The following EPHA4 variants were observed in gnomAD, a reference collection of about 807,000 sequenced individuals.
EPHA4 encodes EPH receptor A4, also known as ephrin type-A receptor 4.
A neutral mutation model predicts 108.3 loss-of-function variants in EPHA4; 19 were observed. The ratio of observed to expected loss-of-function variants is 0.18; its 90% confidence interval spans 0.12 to 0.26. The LOEUF is 0.26. Among genes scored for constraint, EPHA4 ranks in the 10% least tolerant of loss-of-function variants. The probability of loss-of-function intolerance (pLI) is 1.00; values close to 1 mark genes in which losing one functional copy is unlikely to be tolerated. For missense variants in EPHA4, 917 were observed against 1,254.0 expected (o/e 0.73, Z 4.06); for synonymous variants, 449 against 455.5 (o/e 0.99, Z 0.18).
At chr2:221,495,387 G>T (rs1692268409) in intron 4 of EPHA4, among the ~76,000 whole-genome samples, 1 of 152,174 alleles carries the variant, frequency 6.6e-6, no homozygotes, top group African/African-American at 2.4e-5. Flanking sequence ...CCTAAAGACG[G>T]TTTTACAGAT....
chr2:221,481,265 T>C (rs1336194473), intron 5 of EPHA4, among the ~76,000 whole-genome samples: 1 of 152,300 alleles, frequency 6.6e-6, no homozygotes, highest in African/African-American at 2.4e-5. Context: ...GGAAATGTTT[T>C]CTAGTCATCT....
At chr2:221,495,001 C>CAAAAAAAAAAAA (rs5838887) in intron 4 of EPHA4, among the ~76,000 whole-genome samples, 1 of 85,522 alleles carries the variant, frequency 1.2e-5, no homozygotes, top group Non-Finnish European at 2.3e-5. Context: ...GCAATGTTGC[C>CAAAAAAAAAAAA]AAAAAAAAAA....
At chr2:221,510,812 G>A (rs1310866164) in intron 3 of EPHA4, among the ~76,000 whole-genome samples, 1 of 152,150 alleles carries the variant, frequency 6.6e-6, no homozygotes, top group Non-Finnish European at 1.5e-5. Context: ...TTTCTCTTTG[G>A]TGAGTTTGGA....
chr2:221,552,109 G>A (rs79534816), intron 3 of EPHA4, among the ~76,000 whole-genome samples: 3 of 152,000 alleles, frequency 2.0e-5, no homozygotes, highest in Non-Finnish European at 4.4e-5. Context: ...ACAAGTCCAC[G>A]CTCAAAAACC....
At chr2:221,540,399 C>G (rs1484475516) in intron 3 of EPHA4, among the ~76,000 whole-genome samples, 1 of 152,174 alleles carries the variant, frequency 6.6e-6, no homozygotes. Context: ...CAGAAGGAAA[C>G]AGGATTACTA....
rs1444445716 is a variant in EPHA4, at chr2:221,553,801, A to G, written c.823+9930T>C. ...TGCTTTGAAGCGCATTAGTCTGTCT[A>G]ACATCCTAATTATTGTTTACATTGC... is the stretch of plus-strand genomic sequence containing the variant. On this transcript the variant is annotated intron_variant, in intron 3 of 17. Transcript: ENST00000281821. Among the ~76,000 whole-genome samples, 3 of 152,234 alleles carry G rather than the reference A, an allele frequency of 2.0e-5. No individual in the cohort carries two copies. The East Asian group carries it at 5.8e-4, about 29-fold the overall frequency.
chr2:221,430,050 G>T lies in EPHA4; in HGVS notation c.2598C>A (p.Ser866Arg). The change falls in exon 15 of 18, where the codon AGC becomes AGA. Residue 866 changes from serine (S) to arginine (R), a missense_variant. Ser to Arg is a moderately radical substitution (Grantham distance 110, BLOSUM62 -1). This residue lies in a region of EPHA4 where 133 missense variants were observed against 132.8 expected (regional missense o/e 1.00). Coordinates refer to ENST00000281821, the MANE Select transcript of EPHA4 (RefSeq NM_004438.5). Reference protein sequence around the residue: ...LMLDCWQKERSDRPKFGQIVN... With the variant: ...LMLDCWQKERRDRPKFGQIVN... ...CAATCTGCCCAAATTTAGGCCTGTCGCTCCTCTCCTTCTGCCAGCAGTCTA... is the reference window on the plus strand; with the variant it reads ...CAATCTGCCCAAATTTAGGCCTGTCTCTCCTCTCCTTCTGCCAGCAGTCTA... 1 of 1,614,034 alleles carries T rather than the reference G, an allele frequency of 6.2e-7. No homozygotes were observed. The highest frequency in any genetic ancestry group is 1.7e-5 in the Admixed American group (1 of 60,016).
intron 3 of EPHA4, among the ~76,000 whole-genome samples, chr2:221,552,700 G>A (rs893844636): frequency 5.9e-5 from 9 of 152,196 alleles, no homozygotes; most frequent in Admixed American, 5.9e-4. Context: ...CAAGCCTCAA[G>A]TTCACAGTGC....
At chr2:221,538,262 T>C (rs561662783) in intron 3 of EPHA4, among the ~76,000 whole-genome samples, 2 of 152,374 alleles carry the variant, frequency 1.3e-5, no homozygotes, top group East Asian at 3.9e-4. Flanking sequence ...ATATTATTTT[T>C]GGCATGTTAA....
At chr2:221,487,987 C>A (rs1003677985) in intron 4 of EPHA4, among the ~76,000 whole-genome samples, 1 of 152,164 alleles carries the variant, frequency 6.6e-6, no homozygotes, top group Non-Finnish European at 1.5e-5. Context: ...ATCTTTTGCA[C>A]AGGGGCCGGC....
At chr2:221,461,985 C>CTTTTTTTCTTT (rs1553573061) in intron 5 of EPHA4, among the ~76,000 whole-genome samples, 3 of 138,922 alleles carry the variant, frequency 2.2e-5, no homozygotes, top group African/African-American at 7.9e-5. Flanking sequence ...TGAACACATT[C>CTTTTTTTCTTT]TTTTTTTTTT....
chr2:221,551,457 C>T (rs73089663), intron 3 of EPHA4, among the ~76,000 whole-genome samples: 2,857 of 152,136 alleles, frequency 0.019, 74 homozygotes, highest in African/African-American at 0.056. Context: ...GATTTTCATA[C>T]GGTAAAACAT....
At chr2:221,486,356 T>C (rs2106144866) in intron 4 of EPHA4, among the ~76,000 whole-genome samples, 1 of 152,282 alleles carries the variant, frequency 6.6e-6, no homozygotes, top group African/African-American at 2.4e-5. Flanking sequence ...TTTCCTGCTT[T>C]GTTTGTAACA....
At chr2:221,514,799 C>T (rs886145059) in intron 3 of EPHA4, among the ~76,000 whole-genome samples, 1 of 152,144 alleles carries the variant, frequency 6.6e-6, no homozygotes, top group Non-Finnish European at 1.5e-5. Flanking sequence ...ATGATGTTGA[C>T]ATGCTCCCAA....
At chr2:221,447,389 T>C (rs1399682206) in intron 8 of EPHA4, among the ~76,000 whole-genome samples, 1 of 152,098 alleles carries the variant, frequency 6.6e-6, no homozygotes, top group East Asian at 1.9e-4. Context: ...CCTGAACTCT[T>C]AAACTTTGAA....
Position 221,525,145 on chromosome 2 carries a change from A to C in EPHA4, c.824-23973T>G, listed in dbSNP as rs74870576. Among the ~76,000 whole-genome samples, 839 of 152,258 alleles carry C rather than the reference A, an allele frequency of 5.5e-3. 2 individuals carry two copies. The highest frequency in any genetic ancestry group is 0.018 in the African/African-American group (765 of 41,540). On this transcript the variant is annotated intron_variant, in intron 3 of 17. Transcript: ENST00000281821. ...GATAAAAATTGACGATGCAGACTAG[A>C]CCAACCTGTCAGGGACCTCAGTGTT...
In EPHA4 at chr2:221,454,454, C is replaced by T. The variant is rs188098411; in HGVS notation, c.1715+1093G>A. 2.6e-5 allele frequency among the ~76,000 whole-genome samples: 4 copies of T among 152,288 alleles called. No individual in the cohort carries two copies. In the East Asian group the frequency reaches 5.8e-4, roughly 22 times the overall value. ...AGCTCAGCCTACCACTATGGCAATG[C>T]GACAAACTTGGGCAAGAATTACTTC... On this transcript the variant is annotated intron_variant, in intron 8 of 17. Transcript: ENST00000281821.
intron 9 of EPHA4, among the ~76,000 whole-genome samples, chr2:221,444,067 A>G (rs746600115): frequency 6.6e-6 from 1 of 152,230 alleles, no homozygotes; most frequent in African/African-American, 2.4e-5. Flanking sequence ...TAAATATGTG[A>G]CCAACAATTA....
chr2:221,519,968 C>T (rs142966652), intron 3 of EPHA4, among the ~76,000 whole-genome samples: 176 of 152,194 alleles, frequency 1.2e-3, no homozygotes, highest in African/African-American at 3.9e-3. Flanking sequence ...TGTAGTTTCT[C>T]GGTGTCTCTT....
Sources: allele counts gnomAD v4.1 joint callset (sites outside exome capture counted in the v4.1 genomes callset), GRCh38; gene constraint gnomAD v4.1.1; regional missense constraint gnomAD v4.1.1; transcripts MANE v1.5; gene names NCBI Gene and HGNC (gene_info 2026-07-23, HGNC 2026-07-21).